The following MSH4 variants were observed in gnomAD, a reference collection of about 807,000 sequenced individuals.
The protein encoded by MSH4 is mutS protein homolog 4.
Under a neutral mutation model 113.7 loss-of-function variants are expected in MSH4, and 106 were observed. That is an observed-to-expected ratio of 0.93 (90% CI 0.80 to 1.10). The LOEUF (loss-of-function observed/expected upper bound fraction) is 1.10. Among genes scored for constraint, MSH4 ranks in the 50% least tolerant of loss-of-function variants. The pLI, the probability that MSH4 is intolerant of heterozygous loss-of-function variation, is 0.00. For synonymous variants in MSH4, 368 were observed against 380.2 expected, an observed-to-expected ratio of 0.97 and a Z score of 0.37; for missense variants, 1,061 against 1,093.7, an observed-to-expected ratio of 0.97 and a Z score of 0.42.
At chr1:75,850,987 T>C (rs1651175003) in intron 8 of MSH4, among the ~76,000 whole-genome samples, 1 of 152,170 alleles carries the variant, frequency 6.6e-6, no homozygotes, top group African/African-American at 2.4e-5. Context: ...CATCTAATAT[T>C]AATATAGCCA....
At chr1:75,819,259 A>G (rs1362691469) in intron 6 of MSH4, among the ~76,000 whole-genome samples, 1 of 152,174 alleles carries the variant, frequency 6.6e-6, no homozygotes, top group African/African-American at 2.4e-5. Flanking sequence ...TGGGCAGGCC[A>G]ACGTGGGTGG....
chr1:75,855,388 T>C (rs745789985), intron 8 of MSH4, among the ~76,000 whole-genome samples: 1 of 152,158 alleles, frequency 6.6e-6, no homozygotes, highest in Non-Finnish European at 1.5e-5. Context: ...TTGCACATCC[T>C]AAAATAATAG....
intron 7 of MSH4, among the ~76,000 whole-genome samples, chr1:75,839,026 T>G (rs1650893464): frequency 6.6e-6 from 1 of 152,216 alleles, no homozygotes; most frequent in Non-Finnish European, 1.5e-5. Context: ...AACTATTGAT[T>G]TGTTGTTGAA....
intron 6 of MSH4, among the ~76,000 whole-genome samples, chr1:75,816,817 G>C (rs373309048): frequency 2.6e-5 from 4 of 152,024 alleles, no homozygotes; most frequent in Non-Finnish European, 4.4e-5. Flanking sequence ...AATAGAGACA[G>C]GGTTTCACCA....
At chr1:75,878,718 G>C (rs1180910822) in intron 11 of MSH4, among the ~76,000 whole-genome samples, 1 of 151,970 alleles carries the variant, frequency 6.6e-6, no homozygotes, top group Non-Finnish European at 1.5e-5. Context: ...CTACTCCGGA[G>C]GCTGAGGTAG....
chr1:75,822,295 A>AG, intron 6 of MSH4, 114 bp from the exon 7 acceptor site: 1 of 687,190 alleles, frequency 1.5e-6, no homozygotes. Context: ...TTTCAAAAAA[A>AG]AAAAAAAAAA....
intron 16 of MSH4, among the ~76,000 whole-genome samples, chr1:75,889,671 T>A (rs888257040): frequency 6.6e-6 from 1 of 152,130 alleles, no homozygotes; most frequent in African/African-American, 2.4e-5. Context: ...TTCAGTACCA[T>A]TTTGCATAGT....
intron 7 of MSH4, among the ~76,000 whole-genome samples, chr1:75,824,187 A>G (rs915822361): frequency 3.3e-5 from 5 of 152,106 alleles, no homozygotes; most frequent in African/African-American, 7.2e-5. Context: ...TTGAGCTGGT[A>G]TCTCATTGTG....
At chr1:75,843,957 A>T (rs1162396471) in intron 7 of MSH4, among the ~76,000 whole-genome samples, 3 of 151,986 alleles carry the variant, frequency 2.0e-5, no homozygotes, top group Admixed American at 2.0e-4. Context: ...GATTACAGGC[A>T]TGCACCACCA....
At chr1:75,854,013 G>GTGTATATATATATA (rs1353448679) in intron 8 of MSH4, among the ~76,000 whole-genome samples, 2 of 116,838 alleles carry the variant, frequency 1.7e-5, no homozygotes, top group South Asian at 3.9e-4. Context: ...GTGTGTGTGT[G>GTGTATATATATATA]TATATATATA....
chr1:75,898,824 T>C (rs1185156259), intron 18 of MSH4, among the ~76,000 whole-genome samples: 1 of 152,204 alleles, frequency 6.6e-6, no homozygotes, highest in Non-Finnish European at 1.5e-5. Context: ...AAAAAAACCA[T>C]CTTTGTTTTG....
intron 3 of MSH4, among the ~76,000 whole-genome samples, chr1:75,808,066 G>C (rs907934467): frequency 6.6e-6 from 1 of 152,252 alleles, no homozygotes; most frequent in Middle Eastern, 3.4e-3. Context: ...ATGAAGACAT[G>C]TCCTTTTTGT....
chr1:75,862,589 T>C lies in MSH4; in HGVS notation c.1231-4925T>C, dbSNP rs114860896. On this transcript the variant is annotated intron_variant, in intron 8 of 19. Coordinates refer to ENST00000263187, the MANE Select transcript of MSH4 (RefSeq NM_002440.4). ...TTTAGGGAAACTTAAGCAATATATT[T>C]AACTTTATGCATGATTCATGGCCTT... 9.7e-3 allele frequency among the ~76,000 whole-genome samples: 1,485 copies of C among 152,342 alleles called. 10 individuals are homozygous for C. The highest frequency in any genetic ancestry group is 0.017 in the Non-Finnish European group (1,158 of 68,028).
At chr1:75,829,828 A>C (rs1488332329) in intron 7 of MSH4, among the ~76,000 whole-genome samples, 1 of 152,190 alleles carries the variant, frequency 6.6e-6, no homozygotes, top group Non-Finnish European at 1.5e-5. Flanking sequence ...AGCCACAAAG[A>C]TGGGGAGAAA....
intron 9 of MSH4, among the ~76,000 whole-genome samples, chr1:75,868,710 A>C (rs894753489): frequency 6.6e-6 from 1 of 152,148 alleles, no homozygotes; most frequent in Non-Finnish European, 1.5e-5. Flanking sequence ...GTAGTGAATA[A>C]GTCTCACAAG....
chr1:75,856,987 G>C (rs984768916), intron 8 of MSH4, among the ~76,000 whole-genome samples: 10 of 152,064 alleles, frequency 6.6e-5, no homozygotes, highest in Non-Finnish European at 1.0e-4. Context: ...ATTCTAACTG[G>C]CATGTGATGG....
intron 19 of MSH4, among the ~76,000 whole-genome samples, chr1:75,908,320 A>G (rs201378247): frequency 6.6e-6 from 1 of 150,844 alleles, no homozygotes; most frequent in Non-Finnish European, 1.5e-5. Context: ...TAATTTTTGT[A>G]TTTTTAGTAG....
At position 75,913,046 on chromosome 1, in the gene MSH4, AT is replaced by A. The variant is rs1652823195; in HGVS notation, c.*160del. ...GTCATCTATATATTCTATATGAAAA[AT>A]ATTTATTATAACTTAACAAATGAGA... On this transcript the variant is annotated 3_prime_UTR_variant, in exon 20 of 20. Coordinates refer to ENST00000263187, the MANE Select transcript of MSH4 (RefSeq NM_002440.4). 2.7e-6 allele frequency: 1 copy of A among 368,392 alleles called. No homozygotes were observed. The highest frequency in any genetic ancestry group is 1.0e-4 in the South Asian group (1 of 9,768). The allele number at this position is 368,392 out of a possible 1,614,324, so 22.8% of individuals were successfully genotyped here. A position where few individuals can be genotyped will look rare whatever the true frequency, so the allele number is the denominator to read the frequency against.
At chr1:75,882,267 G>A (rs1287876366) in intron 14 of MSH4, among the ~76,000 whole-genome samples, 1 of 151,760 alleles carries the variant, frequency 6.6e-6, no homozygotes, top group African/African-American at 2.4e-5. Flanking sequence ...AGTTTGAGAA[G>A]GATCATTCTG....
Sources: gnomAD v4.1 joint callset for allele counts (sites outside exome capture counted in the v4.1 genomes callset) on GRCh38, gnomAD v4.1.1 for gene constraint, MANE v1.5 for transcripts, NCBI Gene and HGNC (gene_info 2026-07-23, HGNC 2026-07-21) for gene names.